Variants in SPTBN1 observed in about 807,000 individuals in gnomAD.
SPTBN1 encodes the protein spectrin beta chain, non-erythrocytic 1.
In SPTBN1, 32 loss-of-function variants were observed where a neutral mutation model predicts 266.4. The observed-to-expected ratio is 0.12, with a 90% CI of 0.09 to 0.16. The LOEUF is 0.16. Ranked by LOEUF, SPTBN1 falls within the 10% of genes least tolerant of loss-of-function variation. SPTBN1 has a pLI of 1.00. For synonymous variants in SPTBN1, 1,336 were observed against 1,162.2 expected (o/e 1.15, Z -3.04); for missense variants, 2,296 against 3,067.1 (o/e 0.75, Z 5.94).
chr2:54,549,784 A>G (rs1158494785), intron 2 of SPTBN1, among the ~76,000 whole-genome samples: 1 of 152,058 alleles, frequency 6.6e-6, no homozygotes, highest in Non-Finnish European at 1.5e-5. Context: ...GGATGAATGG[A>G]CTTGGGACTA....
At chr2:54,648,019 A>G (rs1283083620) in intron 24 of SPTBN1, among the ~76,000 whole-genome samples, 37 of 152,214 alleles carry the variant, frequency 2.4e-4, no homozygotes, top group Admixed American at 2.4e-3. Flanking sequence ...CAGGAAGAAC[A>G]AAGTGATAAC....
At position 54,626,460 on chromosome 2, in the gene SPTBN1, GT is replaced by G. The variant is rs1251592325; in HGVS notation, c.1644+229del. ...AGACCAGTTCAGTAGCCAGAGCTCT[GT>G]TTCTGTGACTTAGATATATTCCAGT... On this transcript the variant is annotated intron_variant, in intron 12 of 35. Transcript: ENST00000356805. The surrounding 1 kb of genome is among the most constrained non-coding windows in gnomAD (Gnocchi z 4.7). Among the ~76,000 whole-genome samples, 1 of 152,190 alleles carries G rather than the reference GT, an allele frequency of 6.6e-6. No homozygotes were observed. Among genetic ancestry groups the G allele is most frequent in the African/African-American group, 2.4e-5 (1 of 41,444 alleles).
chr2:54,486,112 A>G (rs375152780), intron 1 of SPTBN1, among the ~76,000 whole-genome samples: 3 of 125,936 alleles, frequency 2.4e-5, no homozygotes, highest in African/African-American at 9.1e-5. Flanking sequence ...GGTCAGCCCC[A>G]CGCCCGGCCA....
At chr2:54,598,998 C>G in intron 2 of SPTBN1, 94 bp from the exon 3 acceptor site, 1 of 1,477,102 alleles carries the variant, frequency 6.8e-7, no homozygotes, top group Non-Finnish European at 9.2e-7. Context: ...TTTTGCTGAC[C>G]TTCCTCTGGC....
intron 7 of SPTBN1, among the ~76,000 whole-genome samples, chr2:54,619,844 T>G (rs774445370): frequency 6.6e-6 from 1 of 152,194 alleles, no homozygotes; most frequent in Non-Finnish European, 1.5e-5. Flanking sequence ...TTAGTGACCC[T>G]GGGCAGGGAG....
chr2:54,581,051 T>C (rs1389765723), intron 2 of SPTBN1, among the ~76,000 whole-genome samples: 1 of 151,664 alleles, frequency 6.6e-6, no homozygotes, highest in Non-Finnish European at 1.5e-5. Flanking sequence ...TGAGCCACGA[T>C]CACGCCACTG....
At position 54,668,829 on chromosome 2, in the gene SPTBN1, T is replaced by A. The variant is rs900199955; in HGVS notation, c.*260T>A. The A allele has an allele frequency of 4.9e-6, 2 of 411,276 alleles. No individual in the cohort carries two copies. The highest frequency in any genetic ancestry group is 4.1e-5 in the African/African-American group (2 of 49,020). The allele number at this position is 411,276 out of a possible 1,614,324, so 25.5% of individuals were successfully genotyped here. A position where few individuals can be genotyped will look rare whatever the true frequency, so the allele number is the denominator to read the frequency against. ...AATTATATAGATTAGATCTCAGTAT[T>A]TAAACTGTTCCTCAATTTTGTGAGG... is the stretch of plus-strand genomic sequence containing the variant. On this transcript the variant is annotated 3_prime_UTR_variant, in exon 36 of 36. Transcript: ENST00000356805.
Position 54,667,637 on chromosome 2 carries a change from C to T in SPTBN1, c.6867C>T (p.Ala2289=), listed in dbSNP as rs754510274. 6.2e-7 allele frequency: 1 copy of T among 1,613,540 alleles called. No homozygotes were observed. The highest frequency in any genetic ancestry group is 2.2e-5 in the East Asian group (1 of 44,884). The change falls in exon 35 of 36, where the codon GCC becomes GCT. Residue 2289 remains alanine (A), a synonymous_variant. Coordinates refer to ENST00000356805, the MANE Select transcript of SPTBN1 (RefSeq NM_003128.3). The stretch of plus-strand genomic sequence containing the variant: ...ATGGCAATGAGTACCTCTTCCAAGC[C>T]AAAGACGATGTAAGTTTCTAAATGT... ...LNDGNEYLFQ[A]KDDEEMNTWI...
chr2:54,506,648 T>C (rs1669573397), intron 1 of SPTBN1, among the ~76,000 whole-genome samples: 1 of 152,194 alleles, frequency 6.6e-6, no homozygotes, highest in African/African-American at 2.4e-5. Flanking sequence ...CTAGACACTA[T>C]ATTTAGGGAT....
In SPTBN1 at chr2:54,644,540, A is replaced by C; in HGVS notation, c.4223A>C (p.Tyr1408Ser). The change falls in exon 20 of 36, where the codon TAT (tyrosine) becomes TCT (serine). Residue 1408 changes from tyrosine (Y) to serine (S), a missense_variant. Around this residue, in one of 12 missense-constraint regions of SPTBN1, gnomAD observed 386 missense variants for 486.1 expected, o/e 0.79. Coordinates refer to ENST00000356805, the MANE Select transcript of SPTBN1 (RefSeq NM_003128.3). ...GAGAGTCAGATTCAGTCTGATGACT[A>C]TGGCAAAGACCTGACCAGTGTCAAT... is the stretch of plus-strand genomic sequence containing the variant. ...GLESQIQSDD[Y>S]GKDLTSVNIL... 8 of 1,613,842 alleles carry C rather than the reference A, an allele frequency of 5.0e-6. No individual in the cohort carries two copies. The highest frequency in any genetic ancestry group is 6.8e-6 in the Non-Finnish European group (8 of 1,179,716).
chr2:54,602,601 C>G (rs1288510620), intron 3 of SPTBN1, among the ~76,000 whole-genome samples: 1 of 152,154 alleles, frequency 6.6e-6, no homozygotes, highest in Non-Finnish European at 1.5e-5. Flanking sequence ...ACAACTCTGC[C>G]CTCCCCCAAA....
intron 11 of SPTBN1, 62 bp downstream of exon 11, chr2:54,625,024 C>G: frequency 6.6e-7 from 1 of 1,511,880 alleles, no homozygotes. Context: ...ACAGACCATC[C>G]CCAGGGGCAT....
chr2:54,519,933 C>A (rs1670337746), intron 1 of SPTBN1, among the ~76,000 whole-genome samples: 1 of 152,050 alleles, frequency 6.6e-6, no homozygotes, highest in African/African-American at 2.4e-5. Flanking sequence ...GTGGGGATGC[C>A]ATTCAGCGAG....
rs778526430 is a variant in SPTBN1, at chr2:54,629,750, C to G, written c.2616C>G (p.Leu872=). 5 of 1,611,154 alleles carry G rather than the reference C, an allele frequency of 3.1e-6. No individual in the cohort carries two copies. The highest frequency in any genetic ancestry group is 1.7e-5 in the Admixed American group (1 of 60,004). Residue 872 remains leucine, a synonymous_variant, in exon 14 of 36, where the codon CTC becomes CTG. Coordinates refer to ENST00000356805, the MANE Select transcript of SPTBN1 (RefSeq NM_003128.3). ...GGATCGACGAGAAGGAGCAGTGGCT[C>G]AACAACATGCAGATCCCAGAGAAGC... The part of the protein sequence containing the change: ...ELWIDEKEQW[L]NNMQIPEKLE...
intron 1 of SPTBN1, among the ~76,000 whole-genome samples, chr2:54,477,699 G>A (rs1193050128): frequency 6.6e-6 from 1 of 152,116 alleles, no homozygotes; most frequent in Non-Finnish European, 1.5e-5. Flanking sequence ...GGAGCACGAG[G>A]TCAGGAGTTC....
At chr2:54,644,206 G>A in intron 19 of SPTBN1, 117 bp from the exon 20 acceptor site, 1 of 1,283,072 alleles carries the variant, frequency 7.8e-7, no homozygotes, top group Non-Finnish European at 1.1e-6. Context: ...TGGAAAGACT[G>A]TGTGTATTGA....
At chr2:54,560,040 CAGTT>C (rs1220242225) in intron 2 of SPTBN1, among the ~76,000 whole-genome samples, 2 of 152,178 alleles carry the variant, frequency 1.3e-5, no homozygotes, top group African/African-American at 2.4e-5. Context: ...ATTCCTCTGG[CAGTT>C]AGCTCAGAGG....
Position 54,626,334 on chromosome 2 carries a change from G to C in SPTBN1, c.1644+100G>C, listed in dbSNP as rs1678327168. The C allele has an allele frequency of 7.2e-7, 1 of 1,390,208 alleles. No individual in the cohort carries two copies. The highest frequency in any genetic ancestry group is 1.5e-5 in the African/African-American group (1 of 68,782). 86.1% of individuals were successfully genotyped at this position (1,390,208 alleles called of 1,614,324 possible). ...ACCCCTACGTACAGCTGTGTGCCTT[G>C]TCTAACTGCCCACATGTACAGCTAG... On this transcript the variant is annotated intron_variant, in intron 12 of 35. Transcript: ENST00000356805. This position sits in a 1 kb window ranked among gnomAD's most constrained non-coding sequence, Gnocchi z 4.7.
intron 1 of SPTBN1, among the ~76,000 whole-genome samples, chr2:54,503,805 T>C (rs1222657234): frequency 6.6e-6 from 1 of 152,220 alleles, no homozygotes; most frequent in Non-Finnish European, 1.5e-5. Flanking sequence ...GGCTTTCCCA[T>C]ATTTTCTTGA....
Sources: allele counts gnomAD v4.1 joint callset (sites outside exome capture counted in the v4.1 genomes callset), GRCh38; gene constraint gnomAD v4.1.1; regional missense constraint gnomAD v4.1.1; non-coding constraint Gnocchi (gnomAD v3.1); transcripts MANE v1.5; gene names NCBI Gene and HGNC (gene_info 2026-07-23, HGNC 2026-07-21).